The following SPIDR variants were observed in gnomAD, a reference collection of about 807,000 sequenced individuals.
SPIDR encodes DNA repair-scaffolding protein.
Under a neutral mutation model 104.6 loss-of-function variants are expected in SPIDR, and 93 were observed. That is an observed-to-expected ratio of 0.89 (90% CI 0.75 to 1.06). SPIDR has a LOEUF of 1.06. SPIDR is among the 50% of genes least tolerant of loss of function. The pLI, the probability that SPIDR is intolerant of heterozygous loss-of-function variation, is 0.00. For missense variants in SPIDR, 1,154 were observed against 1,111.2 expected, an observed-to-expected ratio of 1.04 and a Z score of -0.55; for synonymous variants, 431 against 416.9, an observed-to-expected ratio of 1.03 and a Z score of -0.41.
At chr8:47,479,264 C>A (rs1375049397) in intron 8 of SPIDR, among the ~76,000 whole-genome samples, 1 of 150,824 alleles carries the variant, frequency 6.6e-6, no homozygotes, top group Non-Finnish European at 1.5e-5. Context: ...GAGGCTGAAG[C>A]AGGAGAATTG....
At chr8:47,340,039 A>G (rs1451089427) in intron 5 of SPIDR, among the ~76,000 whole-genome samples, 2 of 152,132 alleles carry the variant, frequency 1.3e-5, no homozygotes, top group Non-Finnish European at 2.9e-5. Context: ...TAGTCTTTCC[A>G]TAAATGTATT....
At chr8:47,502,917 G>T (rs758168414) in intron 8 of SPIDR, among the ~76,000 whole-genome samples, 1 of 152,202 alleles carries the variant, frequency 6.6e-6, no homozygotes, top group South Asian at 2.1e-4. Flanking sequence ...TCAGGAGCAC[G>T]TTGTGCAGTT....
chr8:47,668,471 TAA>T (rs74274281), intron 10 of SPIDR, among the ~76,000 whole-genome samples: 1 of 144,386 alleles, frequency 6.9e-6, no homozygotes. Flanking sequence ...ATTCATGATT[TAA>T]AAAAAAAAAA....
At chr8:47,432,444 CAG>C (rs1482366417) in intron 7 of SPIDR, among the ~76,000 whole-genome samples, 1 of 152,302 alleles carries the variant, frequency 6.6e-6, no homozygotes, top group African/African-American at 2.4e-5. Flanking sequence ...AGACTGGAAA[CAG>C]AGTCCCCCAC....
chr8:47,456,222 C>T (rs2072938041), intron 8 of SPIDR, among the ~76,000 whole-genome samples: 1 of 152,080 alleles, frequency 6.6e-6, no homozygotes, highest in East Asian at 1.9e-4. Context: ...AGAGTGGGTC[C>T]TAATTTAATA....
chr8:47,518,344 G>A (rs2083468261), intron 8 of SPIDR, among the ~76,000 whole-genome samples: 1 of 152,146 alleles, frequency 6.6e-6, no homozygotes, highest in Non-Finnish European at 1.5e-5. Context: ...CAACATTCTT[G>A]GAATGGTAAG....
intron 3 of SPIDR, among the ~76,000 whole-genome samples, chr8:47,285,709 G>A (rs2038707841): frequency 6.6e-6 from 1 of 152,042 alleles, no homozygotes; most frequent in Non-Finnish European, 1.5e-5. Context: ...CAGTCATCTT[G>A]GATTAAGGCC....
intron 5 of SPIDR, among the ~76,000 whole-genome samples, chr8:47,394,898 A>T (rs1352609155): frequency 6.6e-6 from 1 of 152,206 alleles, no homozygotes; most frequent in Non-Finnish European, 1.5e-5. Context: ...GTTAGGCACA[A>T]AACTAAAATG....
chr8:47,651,088 AAAAT>A (rs1397897082), intron 10 of SPIDR, among the ~76,000 whole-genome samples: 2 of 152,188 alleles, frequency 1.3e-5, no homozygotes, highest in African/African-American at 4.8e-5. Flanking sequence ...AACAAAGACA[AAAAT>A]AAATAAATGG....
intron 8 of SPIDR, among the ~76,000 whole-genome samples, chr8:47,452,392 T>A (rs571355403): frequency 6.6e-6 from 1 of 152,272 alleles, no homozygotes; most frequent in Admixed American, 6.5e-5. Flanking sequence ...TACCAAAGCC[T>A]GGCAGAGACA....
intron 8 of SPIDR, among the ~76,000 whole-genome samples, chr8:47,449,114 A>G (rs1284670462): frequency 6.6e-6 from 1 of 152,168 alleles, no homozygotes; most frequent in Non-Finnish European, 1.5e-5. Context: ...GCTTTGGACT[A>G]TGATGGTGAA....
intron 6 of SPIDR, among the ~76,000 whole-genome samples, chr8:47,405,127 T>TCTC (rs1183219866): frequency 3.3e-5 from 5 of 152,110 alleles, no homozygotes; most frequent in African/African-American, 4.8e-5. Context: ...CACCGCATGT[T>TCTC]CTCACTCATA....
At chr8:47,640,241 A>G (rs2068654930) in intron 10 of SPIDR, among the ~76,000 whole-genome samples, 2 of 152,212 alleles carry the variant, frequency 1.3e-5, no homozygotes, top group Non-Finnish European at 1.5e-5. Flanking sequence ...TGGCAGAAGT[A>G]GCACAGTTAG....
chr8:47,691,906 C>G (rs1001419009), intron 11 of SPIDR, among the ~76,000 whole-genome samples: 8 of 152,212 alleles, frequency 5.3e-5, no homozygotes, highest in Non-Finnish European at 1.0e-4. Context: ...CTGTGCTGCT[C>G]CTGGGCTCTG....
intron 11 of SPIDR, among the ~76,000 whole-genome samples, chr8:47,675,116 A>G (rs1373098538): frequency 2.6e-5 from 4 of 152,130 alleles, no homozygotes; most frequent in Non-Finnish European, 5.9e-5. Flanking sequence ...GGCTCACTGC[A>G]ACCTCTGCCT....
chr8:47,299,151 C>T (rs2041521691), intron 5 of SPIDR, among the ~76,000 whole-genome samples: 2 of 152,136 alleles, frequency 1.3e-5, no homozygotes. Flanking sequence ...TTGTAGTTCT[C>T]CTTGAAGAGG....
chr8:47,320,131 A>G (rs543556217), intron 5 of SPIDR, among the ~76,000 whole-genome samples: 27 of 152,254 alleles, frequency 1.8e-4, no homozygotes, highest in Non-Finnish European at 3.7e-4. Context: ...GACATAAAAA[A>G]CCCTTCAAAA....
At chr8:47,718,019 C>T (rs1469840724) in intron 16 of SPIDR, among the ~76,000 whole-genome samples, 3 of 152,180 alleles carry the variant, frequency 2.0e-5, no homozygotes, top group Non-Finnish European at 1.5e-5. Flanking sequence ...AAAACAGCTG[C>T]ACAGGTCCAA....
chr8:47,629,408 C>G (rs796756425), intron 10 of SPIDR, among the ~76,000 whole-genome samples: 2 of 152,134 alleles, frequency 1.3e-5, no homozygotes, highest in African/African-American at 2.4e-5. Flanking sequence ...TGAAAGCAGC[C>G]GCAGACAATA....
Sources: allele counts gnomAD v4.1 joint callset (sites outside exome capture counted in the v4.1 genomes callset), GRCh38; gene constraint gnomAD v4.1.1; transcripts MANE v1.5; gene names NCBI Gene and HGNC (gene_info 2026-07-23, HGNC 2026-07-21).